AP3M1: variants seen among roughly 807,000 people sequenced by gnomAD.
AP3M1 encodes the protein AP-3 complex subunit mu-1.
AP3M1 carries 29 observed loss-of-function variants against 42.6 expected under a neutral mutation model. That is an observed-to-expected ratio of 0.68 (90% confidence interval 0.51 to 0.93). The LOEUF (loss-of-function observed/expected upper bound fraction) is 0.93. Ranked by LOEUF, AP3M1 falls within the 40% of genes least tolerant of loss-of-function variation. The pLI is 0.00. For synonymous variants in AP3M1, 178 were observed against 175.3 expected, an observed-to-expected ratio of 1.02 and a Z score of -0.12; for missense variants, 416 against 510.2, an observed-to-expected ratio of 0.82 and a Z score of 1.78.
chr10:74,136,668 G>A lies in AP3M1; in HGVS notation c.409C>T (p.Pro137Ser), dbSNP rs777131215. 5.0e-6 allele frequency: 8 copies of A among 1,593,082 alleles called. No homozygotes were observed. The East Asian group carries it at 9.0e-5, about 18-fold the overall frequency. Residue 137 changes from proline (P) to serine (S), a missense_variant, in exon 3 of 9, where the codon CCA (proline) becomes TCA (serine). By Grantham distance (74) the Pro-to-Ser change is moderately conservative. Transcript: ENST00000355264. ...TTGACAACAGAGCGTAGAATTGTTGGTGGTTTAATCAATTCTTTCAAAATG... is the reference window on the plus strand; with the variant it reads ...TTGACAACAGAGCGTAGAATTGTTGATGGTTTAATCAATTCTTTCAAAATG... ...SNILKELIKPPTILRSVVNSI... is the reference protein window; with the variant it reads ...SNILKELIKPSTILRSVVNSI...
At chr10:74,140,763 G>A (rs1195037232) in intron 1 of AP3M1, among the ~76,000 whole-genome samples, 1 of 152,180 alleles carries the variant, frequency 6.6e-6, no homozygotes, top group Non-Finnish European at 1.5e-5. Flanking sequence ...CAACAAGGGT[G>A]CCAAGACCTG....
chr10:74,142,767 A>T (rs570245437), intron 1 of AP3M1, among the ~76,000 whole-genome samples: 1 of 152,222 alleles, frequency 6.6e-6, no homozygotes, highest in African/African-American at 2.4e-5. Flanking sequence ...TGCCATTAGA[A>T]TACTTAGACT....
Position 74,123,442 on chromosome 10 carries a change from C to A in AP3M1, c.*368G>T. 5.0e-6 allele frequency: 1 copy of A among 199,274 alleles called. No homozygotes were observed. The highest frequency in any genetic ancestry group is 1.1e-4 in the South Asian group (1 of 9,106). 12.3% of individuals were successfully genotyped at this position (199,274 alleles called of 1,614,324 possible). Reference sequence around the variant, plus strand: ...TGATATTTGGCTGCACCTGACACATCACAGATTTAAGATAGCTTCTGCTGG... The same window carrying A: ...TGATATTTGGCTGCACCTGACACATAACAGATTTAAGATAGCTTCTGCTGG... On this transcript the variant is annotated 3_prime_UTR_variant, in exon 9 of 9. Coordinates refer to ENST00000355264, the MANE Select transcript of AP3M1 (RefSeq NM_012095.6).
chr10:74,143,045 G>A (rs1841206904), intron 1 of AP3M1, among the ~76,000 whole-genome samples: 1 of 152,114 alleles, frequency 6.6e-6, no homozygotes, highest in African/African-American at 2.4e-5. Flanking sequence ...TAATCTTTTG[G>A]CCCCATTCAA....
intron 1 of AP3M1, among the ~76,000 whole-genome samples, chr10:74,142,481 T>A (rs1841185294): frequency 6.6e-6 from 1 of 152,242 alleles, no homozygotes; most frequent in Non-Finnish European, 1.5e-5. Context: ...TGTTCAGTAG[T>A]TATCAATAAT....
At chr10:74,137,023 T>C (rs1046014864) in intron 2 of AP3M1, among the ~76,000 whole-genome samples, 2 of 152,166 alleles carry the variant, frequency 1.3e-5, no homozygotes, top group African/African-American at 4.8e-5. Context: ...ATGCATCACT[T>C]GAGGTCAGGA....
At chr10:74,125,792 A>G (rs1282435965) in intron 7 of AP3M1, among the ~76,000 whole-genome samples, 2 of 152,270 alleles carry the variant, frequency 1.3e-5, no homozygotes, top group Non-Finnish European at 2.9e-5. Context: ...TAGAAAACTT[A>G]GTAATTCATA....
intron 1 of AP3M1, among the ~76,000 whole-genome samples, chr10:74,143,831 C>T (rs777709022): frequency 9.2e-5 from 14 of 152,184 alleles, no homozygotes; most frequent in Non-Finnish European, 1.2e-4. Context: ...ACAGCACTGT[C>T]CAACAGGGCT....
intron 4 of AP3M1, among the ~76,000 whole-genome samples, chr10:74,131,812 G>C (rs937450010): frequency 6.6e-6 from 1 of 151,534 alleles, no homozygotes; most frequent in African/African-American, 2.4e-5. Flanking sequence ...AAAGTGCTGG[G>C]ATTACAGGTG....
At chr10:74,126,970 C>CAAAAAAAAACAAAAACAA (rs1840635183) in intron 6 of AP3M1, among the ~76,000 whole-genome samples, 1 of 32,344 alleles carries the variant, frequency 3.1e-5, no homozygotes, top group African/African-American at 1.2e-4. Flanking sequence ...GACGCCATCT[C>CAAAAAAAAACAAAAACAA]AAAAAAAAAA....
In AP3M1 at chr10:74,134,028, T is replaced by C; in HGVS notation, c.582A>G (p.Ser194=). ...VEEIDAIIDK[S]GSTVFAEIQG... is the part of the protein sequence containing the mutation. ...ATAAGATGACATGCACACAATTACC[T>C]GATTTATCTATAATTGCGTCTATTT... is the stretch of plus-strand genomic sequence containing the variant. Residue 194 remains serine (S), a splice_region_variant and synonymous_variant, in exon 4 of 9, where the codon TCA becomes TCG. Coordinates refer to ENST00000355264, the MANE Select transcript of AP3M1 (RefSeq NM_012095.6). 1 of 1,613,898 alleles carries C rather than the reference T, an allele frequency of 6.2e-7. No homozygotes were observed. The highest frequency in any genetic ancestry group is 8.5e-7 in the Non-Finnish European group (1 of 1,179,814).
chr10:74,128,966 C>T (rs1840696364), intron 6 of AP3M1, 142 bp downstream of exon 6: 5 of 935,614 alleles, frequency 5.3e-6, no homozygotes, highest in South Asian at 4.9e-5. Context: ...GTATTTTCAC[C>T]CGTTCTCACT....
intron 1 of AP3M1, among the ~76,000 whole-genome samples, chr10:74,149,267 GTTTTTTTTTTTTTTTTTTTTTT>G (rs57279906): frequency 2.3e-4 from 14 of 60,098 alleles, no homozygotes; most frequent in Admixed American, 8.1e-4. Context: ...GATACGTAAG[GTTTTTTTTTTTTTTTTTTTTTT>G]TTTTTTTTTT....
At position 74,129,114 on chromosome 10, in the gene AP3M1, G is replaced by T. The variant is rs1840700739; in HGVS notation, c.797C>A (p.Ser266Ter). Reference protein sequence around the residue: ...NFRLISYRVSSQNLVAIPVYV... With the variant: ...NFRLISYRVS ...GGCTGATGCATCAACATACTTTTGTGAGCTGACACGGTATGATATGAGTCG... is the reference window on the plus strand; with the variant it reads ...GGCTGATGCATCAACATACTTTTGTTAGCTGACACGGTATGATATGAGTCG... Residue 266 changes from serine (S) to a stop codon, truncating the protein, a stop_gained, in exon 6 of 9, where the codon TCA becomes TAA. Coordinates refer to ENST00000355264, the MANE Select transcript of AP3M1 (RefSeq NM_012095.6). LOFTEE classifies it high-confidence loss of function. 6.2e-7 allele frequency: 1 copy of T among 1,613,834 alleles called. No individual in the cohort carries two copies. Among genetic ancestry groups the T allele is most frequent in the Admixed American group, 1.7e-5 (1 of 59,964 alleles).
Position 74,150,803 on chromosome 10 carries a change from G to A in AP3M1, c.-52C>T, listed in dbSNP as rs3829129. On this transcript the variant is annotated 5_prime_UTR_variant, in exon 1 of 9. Transcript: ENST00000355264. ...ATTCGGCGCCGGATCCTCTCCTACCGAAGCTGGAGAAGCCGAGAAGGCCGC... is the reference window on the plus strand; with the variant it reads ...ATTCGGCGCCGGATCCTCTCCTACCAAAGCTGGAGAAGCCGAGAAGGCCGC... 3.2e-3 allele frequency: 585 copies of A among 181,088 alleles called. 18 individuals are homozygous for A. The East Asian group carries it at 0.066, about 20-fold the overall frequency. 11.2% of individuals were successfully genotyped at this position (181,088 alleles called of 1,614,324 possible).
In AP3M1 at chr10:74,121,426, A is replaced by T. The variant is rs1840455171; in HGVS notation, c.*2384T>A. ...TATACTCCCTTATGAATTTAGAACA[A>T]GTGATCCAGGATTAGCTGTAACTCT... On this transcript the variant is annotated 3_prime_UTR_variant, in exon 9 of 9. Transcript: ENST00000355264. 2.0e-5 allele frequency: 3 copies of T among 152,222 alleles called. No individual in the cohort carries two copies. In the South Asian group the frequency reaches 6.2e-4, roughly 31 times the overall value. The allele number at this position is 152,222 out of a possible 1,614,324, so 9.4% of individuals were successfully genotyped here.
At chr10:74,141,167 GC>G (rs1440327728) in intron 1 of AP3M1, among the ~76,000 whole-genome samples, 2 of 152,124 alleles carry the variant, frequency 1.3e-5, no homozygotes, top group Non-Finnish European at 2.9e-5. Context: ...AATAAGAAGG[GC>G]CAGGTGTGGT....
chr10:74,124,483 G>C lies in AP3M1; in HGVS notation c.1053C>G (p.Leu351=). 1 of 1,612,112 alleles carries C rather than the reference G, an allele frequency of 6.2e-7. No individual in the cohort carries two copies. The highest frequency in any genetic ancestry group is 8.5e-7 in the Non-Finnish European group (1 of 1,179,400). ...AATTTACCAGTCCTTTAAGACTTGGGAGCTTTTGTGGAGTAATTTTTCCCA... is the reference window on the plus strand; with the variant it reads ...AATTTACCAGTCCTTTAAGACTTGGCAGCTTTTGTGGAGTAATTTTTCCCA... ...WDVGKITPQK[L]PSLKGLVNLQ... is the part of the protein sequence containing the mutation. The change falls in exon 8 of 9, where the codon CTC becomes CTG. Residue 351 remains leucine (L), a synonymous_variant. Coordinates refer to ENST00000355264, the MANE Select transcript of AP3M1 (RefSeq NM_012095.6).
At position 74,120,956 on chromosome 10, in the gene AP3M1, A is replaced by T. The variant is rs1840433457; in HGVS notation, c.*2854T>A. ...TTAAAGAAACACTGACTAAAATAGT[A>T]GGAGCAGGTTTTTAGAGTAGAGTTG... On this transcript the variant is annotated 3_prime_UTR_variant, in exon 9 of 9. Transcript: ENST00000355264. 6.6e-6 allele frequency: 1 copy of T among 152,272 alleles called. No homozygotes were observed. Among genetic ancestry groups the T allele is most frequent in the Non-Finnish European group, 1.5e-5 (1 of 68,056 alleles). The allele number at this position is 152,272 out of a possible 1,614,324, so 9.4% of individuals were successfully genotyped here.
Sources: allele counts gnomAD v4.1 joint callset (sites outside exome capture counted in the v4.1 genomes callset), GRCh38; gene constraint gnomAD v4.1.1; transcripts MANE v1.5; gene names NCBI Gene and HGNC (gene_info 2026-07-23, HGNC 2026-07-21).